The following TUSC3 variants were observed in gnomAD, a reference collection of about 807,000 sequenced individuals.
The protein encoded by TUSC3 is dolichyl-diphosphooligosaccharide--protein glycosyltransferase subunit TUSC3.
TUSC3 carries 45 observed loss-of-function variants against 44.8 expected under a neutral mutation model. The observed-to-expected ratio is 1.00, with a 90% CI of 0.79 to 1.29. TUSC3 has a LOEUF of 1.29. Ranked by LOEUF, TUSC3 falls within the 50% of genes most tolerant of loss-of-function variation. The probability of loss-of-function intolerance (pLI) is 0.00; values close to 1 mark genes in which losing one functional copy is unlikely to be tolerated. For missense variants in TUSC3, 519 were observed against 437.9 expected, an observed-to-expected ratio of 1.19 and a Z score of -1.65; for synonymous variants, 212 against 152.9, an observed-to-expected ratio of 1.39 and a Z score of -2.85.
chr8:15,463,870 T>C (rs1226856273), intron 1 of TUSC3, among the ~76,000 whole-genome samples: 2 of 152,178 alleles, frequency 1.3e-5, no homozygotes, highest in African/African-American at 2.4e-5. Context: ...TCCAAAACCA[T>C]ACATATAATG....
chr8:15,556,897 G>A (rs1738354315), intron 1 of TUSC3, among the ~76,000 whole-genome samples: 1 of 147,304 alleles, frequency 6.8e-6, no homozygotes. Context: ...GTAGATTCTG[G>A]ATATTAGCCC....
chr8:15,689,796 T>C (rs1286475237), intron 6 of TUSC3, among the ~76,000 whole-genome samples: 1 of 151,800 alleles, frequency 6.6e-6, no homozygotes, highest in East Asian at 1.9e-4. Context: ...ATCTCATTCT[T>C]TTTTATGGCT....
rs953539363 is a variant in TUSC3, at chr8:15,623,350, T to C, written c.308+101T>C. 14 of 1,203,552 alleles carry C rather than the reference T, an allele frequency of 1.2e-5. No individual in the cohort carries two copies. In the African/African-American group the frequency reaches 1.9e-4, roughly 16 times the overall value. The allele number at this position is 1,203,552 out of a possible 1,614,324, so 74.6% of individuals were successfully genotyped here. A position where few individuals can be genotyped will look rare whatever the true frequency, so the allele number is the denominator to read the frequency against. ...TAAATATATGTAAGATAAACAGTTG[T>C]TTAATAGTCAAATATAACTGTGCAT... On this transcript the variant is annotated intron_variant, in intron 2 of 10. Coordinates refer to ENST00000503731, the MANE Select transcript of TUSC3 (RefSeq NM_006765.4).
chr8:15,531,537 C>T (rs1801449788), intron 2 of TUSC3, among the ~76,000 whole-genome samples: 1 of 152,216 alleles, frequency 6.6e-6, no homozygotes, highest in Non-Finnish European at 1.5e-5. Context: ...CAGGCGTGAG[C>T]CTCTGTGCCC....
At chr8:15,684,776 T>C (rs1397214822) in intron 6 of TUSC3, among the ~76,000 whole-genome samples, 1 of 151,790 alleles carries the variant, frequency 6.6e-6, no homozygotes, top group Non-Finnish European at 1.5e-5. Flanking sequence ...TCCTGGGGAG[T>C]TGGGACCAGA....
chr8:15,696,328 A>G (rs1190053309), intron 6 of TUSC3, among the ~76,000 whole-genome samples: 1 of 152,186 alleles, frequency 6.6e-6, no homozygotes, highest in Non-Finnish European at 1.5e-5. Context: ...GGCAGCTTCC[A>G]TGTGGTTCCT....
chr8:15,602,009 A>C (rs1804308435), intron 1 of TUSC3, among the ~76,000 whole-genome samples: 1 of 151,636 alleles, frequency 6.6e-6, no homozygotes, highest in Non-Finnish European at 1.5e-5. Flanking sequence ...CTGATCTAAA[A>C]ATACGATGTC....
chr8:15,708,877 G>C (rs1809724893), intron 6 of TUSC3, among the ~76,000 whole-genome samples: 1 of 151,884 alleles, frequency 6.6e-6, no homozygotes, highest in Non-Finnish European at 1.5e-5. Flanking sequence ...CAGAATTTCA[G>C]ATTAGGAAAA....
chr8:15,434,512 C>T (rs1288615781), intron 1 of TUSC3, among the ~76,000 whole-genome samples: 1 of 142,484 alleles, frequency 7.0e-6, no homozygotes, highest in Admixed American at 7.4e-5. Flanking sequence ...TCTATGTGCT[C>T]AAATTATAAA....
chr8:15,480,250 T>C (rs966059306), intron 1 of TUSC3, among the ~76,000 whole-genome samples: 2 of 152,178 alleles, frequency 1.3e-5, no homozygotes, highest in African/African-American at 4.8e-5. Context: ...AAAATGCCCA[T>C]ATTGCCCAAA....
At position 15,659,616 on chromosome 8, in the gene TUSC3, C is replaced by G; in HGVS notation, c.536C>G (p.Ala179Gly). The change falls in exon 4 of 11, where the codon GCA becomes GGA. Residue 179 changes from alanine to glycine, a missense_variant. Transcript: ENST00000503731. Reference protein sequence around the residue: ...QRIGFAAEQLAKWIADRTDVH... With the variant: ...QRIGFAAEQLGKWIADRTDVH... ...ATTGGATTTGCAGCTGAGCAACTAG[C>G]AAAGTGGATTGCTGACAGAACGGAT... is the stretch of plus-strand genomic sequence containing the variant. 6.2e-7 allele frequency: 1 copy of G among 1,613,330 alleles called. No individual in the cohort carries two copies. The highest frequency in any genetic ancestry group is 1.3e-5 in the African/African-American group (1 of 75,028).
chr8:15,475,530 T>C (rs1487764974), intron 1 of TUSC3, among the ~76,000 whole-genome samples: 7 of 152,190 alleles, frequency 4.6e-5, no homozygotes, highest in Non-Finnish European at 1.0e-4. Context: ...TAGATAAACA[T>C]TGAGATCAGA....
At chr8:15,847,555 C>A in the TUSC3 span, among the ~76,000 whole-genome samples, 1 of 152,082 alleles carries the variant, frequency 6.6e-6, no homozygotes, top group Non-Finnish European at 1.5e-5. Flanking sequence ...TCTCTGCCCC[C>A]CTCTCAAATG....
At chr8:15,810,088 T>C in the TUSC3 span, among the ~76,000 whole-genome samples, 518 of 152,262 alleles carry the variant, frequency 3.4e-3, 1 homozygote, top group Non-Finnish European at 5.7e-3. Context: ...CCGTAAACAA[T>C]GGTTCTCATA....
chr8:15,461,094 A>G lies in TUSC3; in HGVS notation n.92-22292A>G, dbSNP rs866820543. Among the ~76,000 whole-genome samples, 5 of 152,254 alleles carry G rather than the reference A, an allele frequency of 3.3e-5. 1 individual carries two copies. The highest frequency in any genetic ancestry group is 6.8e-3 in the Middle Eastern group (2 of 294). ...ATGGTGGTATTTTGATGGGGATTGC[A>G]TTGAATGTGTAGATTGCCTTTGGCA... is the stretch of plus-strand genomic sequence containing the variant. On this transcript the variant is annotated intron_variant and non_coding_transcript_variant, in intron 1 of 5. Transcript: ENST00000503191.
intron 1 of TUSC3, among the ~76,000 whole-genome samples, chr8:15,567,628 T>C (rs555478379): frequency 2.0e-5 from 3 of 152,250 alleles, no homozygotes; most frequent in African/African-American, 4.8e-5. Context: ...ATATGTAAGA[T>C]TGCAGTCAAG....
intron 2 of TUSC3, among the ~76,000 whole-genome samples, chr8:15,534,694 T>C (rs1334519730): frequency 4.0e-5 from 6 of 150,500 alleles, no homozygotes; most frequent in Admixed American, 6.6e-5. Context: ...AGGAGTTTAA[T>C]TGAGCAATGA....
intron 1 of TUSC3, among the ~76,000 whole-genome samples, chr8:15,449,823 G>T (rs757883056): frequency 6.6e-6 from 1 of 152,002 alleles, no homozygotes; most frequent in African/African-American, 2.4e-5. Flanking sequence ...GTAGGTGACC[G>T]TTTTTTTAAT....
chr8:15,439,655 A>C (rs1359857051), intron 1 of TUSC3, among the ~76,000 whole-genome samples: 1 of 152,244 alleles, frequency 6.6e-6, no homozygotes, highest in Non-Finnish European at 1.5e-5. Context: ...TTGTTTATAC[A>C]AATTTGGGAG....
Sources: allele counts gnomAD v4.1 joint callset (sites outside exome capture counted in the v4.1 genomes callset), GRCh38; gene constraint gnomAD v4.1.1; transcripts MANE v1.5; gene names NCBI Gene and HGNC (gene_info 2026-07-23, HGNC 2026-07-21).